KIAA1549: variants seen among roughly 807,000 people sequenced by gnomAD.
The protein encoded by KIAA1549 is UPF0606 protein KIAA1549.
A neutral mutation model predicts 156.4 loss-of-function variants in KIAA1549; 70 were observed. The observed-to-expected ratio is 0.45, with a 90% CI of 0.37 to 0.55. KIAA1549 has a LOEUF of 0.55. KIAA1549 is among the 20% of genes least tolerant of loss of function. The probability of loss-of-function intolerance (pLI) is 0.00; values close to 1 mark genes in which losing one functional copy is unlikely to be tolerated. For synonymous variants in KIAA1549, 1,103 were observed against 1,066.4 expected (o/e 1.03, Z -0.67); for missense variants, 2,428 against 2,540.9 (o/e 0.96, Z 0.96).
intron 17 of KIAA1549, among the ~76,000 whole-genome samples, chr7:138,845,345 T>TAGGA (rs1461831658): frequency 3.9e-5 from 6 of 152,252 alleles, no homozygotes; most frequent in African/African-American, 1.2e-4. Context: ...TGCTGGATGT[T>TAGGA]AGGAAGAAAA....
In KIAA1549 at chr7:138,919,375, C is replaced by T; in HGVS notation, c.251G>A (p.Ser84Asn). The change falls in exon 2 of 20, where the codon AGC (serine) becomes AAC (asparagine). Residue 84 changes from serine (S) to asparagine (N), a missense_variant. Ser to Asn is a conservative substitution (Grantham distance 46). This residue lies in a region of KIAA1549 where 893 missense variants were observed against 847.9 expected (regional missense o/e 1.05). Transcript: ENST00000422774. ...LYSMELVLKK[S>N]TGHSAAQVAL... The stretch of plus-strand genomic sequence containing the variant: ...CACTTGTGCAGCGCTGTGCCCAGTG[C>T]TTTTCTTCAGCACGAGCTCCATGGA... 2 of 1,614,002 alleles carry T rather than the reference C, an allele frequency of 1.2e-6. No homozygotes were observed. Among genetic ancestry groups the T allele is most frequent in the Non-Finnish European group, 1.7e-6 (2 of 1,179,894 alleles).
intron 17 of KIAA1549, among the ~76,000 whole-genome samples, chr7:138,845,190 C>T (rs910935167): frequency 6.6e-6 from 1 of 151,260 alleles, no homozygotes; most frequent in Admixed American, 6.6e-5. Context: ...TTACAAATGA[C>T]AATTAAACAT....
chr7:138,969,190 C>T (rs1814139934), intron 1 of KIAA1549, among the ~76,000 whole-genome samples: 1 of 152,190 alleles, frequency 6.6e-6, no homozygotes, highest in Admixed American at 6.5e-5. Context: ...TGTACAGTTC[C>T]ACAGTGTTGA....
intron 7 of KIAA1549, among the ~76,000 whole-genome samples, chr7:138,904,621 CA>C (rs768150554): frequency 0.18 from 8,173 of 45,672 alleles, 325 homozygotes; most frequent in African/African-American, 0.28. Flanking sequence ...TCCCCTAAGA[CA>C]AAAAAAAAAA....
chr7:138,854,287 C>T (rs920428916), intron 16 of KIAA1549, among the ~76,000 whole-genome samples: 7 of 152,096 alleles, frequency 4.6e-5, no homozygotes, highest in Admixed American at 2.6e-4. Flanking sequence ...GGGATAGGCC[C>T]GAGGTAAAGC....
chr7:138,979,612 G>A (rs1448196700), intron 1 of KIAA1549, among the ~76,000 whole-genome samples: 1 of 152,238 alleles, frequency 6.6e-6, no homozygotes, highest in Non-Finnish European at 1.5e-5. Flanking sequence ...ACGAGTATCA[G>A]ATGGGCTCTC....
At chr7:138,884,914 G>A (rs903100183) in intron 10 of KIAA1549, among the ~76,000 whole-genome samples, 2 of 152,236 alleles carry the variant, frequency 1.3e-5, no homozygotes, top group African/African-American at 4.8e-5. Flanking sequence ...TTATGTGGAG[G>A]GCCGGGCACA....
chr7:138,868,232 T>A, intron 14 of KIAA1549, 104 bp from the exon 15 acceptor site: 1 of 1,097,164 alleles, frequency 9.1e-7, no homozygotes, highest in Non-Finnish European at 1.3e-6. Context: ...GTGCTACCCC[T>A]GGAAACACCC....
intron 15 of KIAA1549, among the ~76,000 whole-genome samples, chr7:138,866,551 G>A (rs776811956): frequency 1.3e-5 from 2 of 152,184 alleles, no homozygotes; most frequent in Non-Finnish European, 2.9e-5. Flanking sequence ...GCCTGCTGCA[G>A]CAAGGCAGGG....
At position 138,918,766 on chromosome 7, in the gene KIAA1549, G is replaced by C. The variant is rs369303006; in HGVS notation, c.860C>G (p.Ser287Cys). The C allele has an allele frequency of 1.5e-5, 24 of 1,613,794 alleles. No individual in the cohort carries two copies. In the African/African-American group the frequency reaches 2.3e-4, roughly 15 times the overall value. Residue 287 changes from serine (S) to cysteine (C), a missense_variant, in exon 2 of 20, where the codon TCT becomes TGT. By Grantham distance (112) the Ser-to-Cys change is moderately radical. Coordinates refer to ENST00000422774, the MANE Select transcript of KIAA1549 (RefSeq NM_001164665.2). The surrounding 1 kb of genome is among the most constrained non-coding windows in gnomAD (Gnocchi z 4.2). ...VETTLFLSSR[S>C]LMPQPLGDGI... ...GTCGCCTAACGGCTGTGGCATTAAAGACCGGGAGCTTAAAAAAAGGGTGGT... is the reference window on the plus strand; with the variant it reads ...GTCGCCTAACGGCTGTGGCATTAAACACCGGGAGCTTAAAAAAAGGGTGGT...
At chr7:138,931,992 G>GT (rs1157748759) in intron 1 of KIAA1549, among the ~76,000 whole-genome samples, 2 of 152,052 alleles carry the variant, frequency 1.3e-5, no homozygotes, top group African/African-American at 4.8e-5. Context: ...CGTGGGGTGT[G>GT]TATGTGTGCA....
At chr7:138,883,362 G>C (rs1009721138) in intron 10 of KIAA1549, among the ~76,000 whole-genome samples, 1 of 150,316 alleles carries the variant, frequency 6.7e-6, no homozygotes, top group Non-Finnish European at 1.5e-5. Flanking sequence ...ACCCAGGCTG[G>C]AGTGCAGTGG....
intron 8 of KIAA1549, among the ~76,000 whole-genome samples, chr7:138,901,326 ATTT>A (rs55728739): frequency 1.1e-4 from 14 of 132,844 alleles, no homozygotes; most frequent in African/African-American, 2.8e-4. Flanking sequence ...CTTGAGTTTT[ATTT>A]TTTTTTTTTT....
Position 138,836,397 on chromosome 7 carries a change from G to C in KIAA1549, c.*1509C>G. ...GGTGTGTAGTAGGCTATACCATGTA[G>C]GTTGTGTAAGTACAATCTAGGATGT... On this transcript the variant is annotated 3_prime_UTR_variant, in exon 20 of 20. Transcript: ENST00000422774. 4.7e-6 allele frequency: 1 copy of C among 214,746 alleles called. No homozygotes were observed. The highest frequency in any genetic ancestry group is 2.3e-5 in the African/African-American group (1 of 44,370). 13.3% of individuals were successfully genotyped at this position (214,746 alleles called of 1,614,324 possible).
At chr7:138,929,971 C>G (rs1441659305) in intron 1 of KIAA1549, among the ~76,000 whole-genome samples, 1 of 152,194 alleles carries the variant, frequency 6.6e-6, no homozygotes, top group Non-Finnish European at 1.5e-5. Context: ...AGTCACCGCA[C>G]CCAGCCATGA....
intron 15 of KIAA1549, among the ~76,000 whole-genome samples, chr7:138,865,787 C>A (rs1475574614): frequency 6.6e-6 from 1 of 152,086 alleles, no homozygotes; most frequent in Admixed American, 6.6e-5. Context: ...ATGAAGACAG[C>A]CAGGAGAAGA....
intron 16 of KIAA1549, among the ~76,000 whole-genome samples, chr7:138,852,618 A>T (rs1810267200): frequency 6.6e-6 from 1 of 152,234 alleles, no homozygotes; most frequent in Admixed American, 6.5e-5. Flanking sequence ...AAAAGGCCTC[A>T]TATCTTTTGC....
intron 1 of KIAA1549, among the ~76,000 whole-genome samples, chr7:138,957,867 T>C (rs1479205590): frequency 6.6e-6 from 1 of 152,162 alleles, no homozygotes; most frequent in African/African-American, 2.4e-5. Context: ...TATTCTCTCT[T>C]TGTCCACTTC....
chr7:138,934,924 T>C (rs1025216638), intron 1 of KIAA1549, among the ~76,000 whole-genome samples: 1 of 152,056 alleles, frequency 6.6e-6, no homozygotes, highest in African/African-American at 2.4e-5. Flanking sequence ...ACTGGCAAAA[T>C]ACAATCCCAT....
Sources: allele counts gnomAD v4.1 joint callset (sites outside exome capture counted in the v4.1 genomes callset), GRCh38; gene constraint gnomAD v4.1.1; regional missense constraint gnomAD v4.1.1; non-coding constraint Gnocchi (gnomAD v3.1); transcripts MANE v1.5; gene names NCBI Gene and HGNC (gene_info 2026-07-23, HGNC 2026-07-21).